Variants in IL1RAPL1 observed in about 807,000 individuals in gnomAD.
IL1RAPL1 encodes the protein interleukin-1 receptor accessory protein-like 1.
IL1RAPL1 carries 3 observed loss-of-function variants against 48.4 expected under a neutral mutation model. The observed-to-expected ratio is 0.06, with a 90% CI of 0.03 to 0.16. IL1RAPL1 has a LOEUF of 0.16. Ranked by LOEUF, IL1RAPL1 falls within the 10% of genes least tolerant of loss-of-function variation. IL1RAPL1 has a pLI of 1.00. For missense variants in IL1RAPL1, 349 were observed against 530.6 expected (o/e 0.66, Z 3.36); for synonymous variants, 185 against 187.7 (o/e 0.99, Z 0.12).
intron 3 of IL1RAPL1, among the ~76,000 whole-genome samples, chrX:29,358,246 G>A (rs1248225469): frequency 2.7e-5 from 3 of 111,127 alleles, no homozygotes; most frequent in African/African-American, 9.8e-5. Flanking sequence ...TGCTTCTGCA[G>A]CCTTCCAATC....
At chrX:29,624,750 G>A (rs1479716416) in intron 5 of IL1RAPL1, among the ~76,000 whole-genome samples, 1 of 110,945 alleles carries the variant, frequency 9.0e-6, no homozygotes, top group African/African-American at 3.3e-5. Context: ...GGAGGTTGAG[G>A]TAGGAGGATT....
chrX:29,231,115 T>C (rs1412537574), intron 2 of IL1RAPL1, among the ~76,000 whole-genome samples: 1 of 112,046 alleles, frequency 8.9e-6, no homozygotes, highest in Non-Finnish European at 1.9e-5. Context: ...TGTTTGCAGA[T>C]AGGATGGTTG....
chrX:29,212,873 A>G (rs572745490), intron 2 of IL1RAPL1, among the ~76,000 whole-genome samples: 1 of 112,428 alleles, frequency 8.9e-6, no homozygotes, highest in South Asian at 3.7e-4. Flanking sequence ...AGGAGAAGGA[A>G]CAGGAGGAGT....
chrX:29,419,040 GTATT>G (rs1278565859), intron 5 of IL1RAPL1, among the ~76,000 whole-genome samples: 1 of 111,699 alleles, frequency 9.0e-6, no homozygotes, highest in African/African-American at 3.2e-5. Flanking sequence ...TTAAAGATCT[GTATT>G]TGTTGTTTAT....
At chrX:29,457,790 T>C (rs1291241162) in intron 5 of IL1RAPL1, among the ~76,000 whole-genome samples, 4 of 112,497 alleles carry the variant, frequency 3.6e-5, no homozygotes, top group African/African-American at 9.7e-5. Context: ...CCACAGGGGC[T>C]GAACTATTTT....
intron 6 of IL1RAPL1, among the ~76,000 whole-genome samples, chrX:29,800,163 C>T (rs1227940833): frequency 9.0e-6 from 1 of 111,469 alleles, no homozygotes; most frequent in Non-Finnish European, 1.9e-5. Context: ...TAGTTTGTAA[C>T]TCCTGGCCCA....
chrX:28,985,723 G>A (rs776272656), intron 2 of IL1RAPL1, among the ~76,000 whole-genome samples: 1 of 101,484 alleles, frequency 9.9e-6, no homozygotes, highest in South Asian at 4.6e-4. Context: ...GCATTGGCGC[G>A]ATCTCGGCTC....
intron 5 of IL1RAPL1, among the ~76,000 whole-genome samples, chrX:29,490,408 C>T (rs1478597839): frequency 9.1e-6 from 1 of 110,021 alleles, no homozygotes; most frequent in Non-Finnish European, 1.9e-5. Context: ...TGACACATGC[C>T]AGTAATCCCA....
chrX:28,836,312 T>C (rs775831939), intron 2 of IL1RAPL1, among the ~76,000 whole-genome samples: 90 of 101,678 alleles, frequency 8.9e-4, no homozygotes, highest in African/African-American at 3.4e-3. Context: ...TTGAAAGTTA[T>C]AAAATGCCTT....
At chrX:28,927,235 T>A (rs1923767720) in intron 2 of IL1RAPL1, among the ~76,000 whole-genome samples, 1 of 111,684 alleles carries the variant, frequency 9.0e-6, no homozygotes, top group African/African-American at 3.3e-5. Context: ...TTTACTGGAA[T>A]TGACAAGTTT....
At chrX:28,860,853 T>A (rs1328968960) in intron 2 of IL1RAPL1, among the ~76,000 whole-genome samples, 1 of 111,297 alleles carries the variant, frequency 9.0e-6, no homozygotes, top group East Asian at 2.8e-4. Context: ...ATCTAAGAAT[T>A]TTTTTTTCTG....
chrX:29,036,779 T>C (rs1926741150), intron 2 of IL1RAPL1, among the ~76,000 whole-genome samples: 1 of 111,259 alleles, frequency 9.0e-6, no homozygotes, highest in Non-Finnish European at 1.9e-5. Flanking sequence ...TCAATACAGG[T>C]CAATTTTTAA....
intron 2 of IL1RAPL1, among the ~76,000 whole-genome samples, chrX:29,242,701 TTAGA>T (rs909861820): frequency 5.3e-5 from 6 of 112,191 alleles, no homozygotes; most frequent in African/African-American, 1.9e-4. Flanking sequence ...ACAACAGTTC[TTAGA>T]TAGTACGTAT....
intron 2 of IL1RAPL1, among the ~76,000 whole-genome samples, chrX:29,218,835 C>A (rs1223020001): frequency 8.9e-6 from 1 of 111,927 alleles, no homozygotes; most frequent in Non-Finnish European, 1.9e-5. Context: ...AATTTAGCCA[C>A]GTAAAAATAA....
intron 5 of IL1RAPL1, among the ~76,000 whole-genome samples, chrX:29,509,687 G>GCACA (rs34490752): frequency 0.08 from 8,784 of 109,451 alleles, 926 homozygotes; most frequent in African/African-American, 0.28. Flanking sequence ...GCGCCCACAC[G>GCACA]CACACACACA....
intron 3 of IL1RAPL1, among the ~76,000 whole-genome samples, chrX:29,374,138 TG>T (rs1434366180): frequency 9.4e-6 from 1 of 105,967 alleles, no homozygotes; most frequent in Non-Finnish European, 1.9e-5. Flanking sequence ...AGCAGGCTGA[TG>T]CTACCTTCGT....
At chrX:29,070,926 C>T (rs1335505424) in intron 2 of IL1RAPL1, among the ~76,000 whole-genome samples, 1 of 111,013 alleles carries the variant, frequency 9.0e-6, no homozygotes, top group Non-Finnish European at 1.9e-5. Flanking sequence ...GCACAAAAAA[C>T]AGGGTCCTAG....
chrX:28,944,972 G>C (rs191451736), intron 2 of IL1RAPL1, among the ~76,000 whole-genome samples: 72 of 110,511 alleles, frequency 6.5e-4, no homozygotes, highest in Middle Eastern at 9.5e-3. Context: ...ATATATGTTT[G>C]TAGAGGTCCC....
intron 5 of IL1RAPL1, among the ~76,000 whole-genome samples, chrX:29,459,663 A>G (rs913128122): frequency 6.3e-5 from 7 of 111,943 alleles, no homozygotes; most frequent in Non-Finnish European, 1.3e-4. Context: ...AAAATACTGT[A>G]TATAATTGTG....
Sources: allele counts gnomAD v4.1 joint callset (sites outside exome capture counted in the v4.1 genomes callset), GRCh38; gene constraint gnomAD v4.1.1; transcripts MANE v1.5; gene names NCBI Gene and HGNC (gene_info 2026-07-23, HGNC 2026-07-21).